The following TNFSF15 variants were observed in gnomAD, a reference collection of about 807,000 sequenced individuals.
The protein encoded by TNFSF15 is tumor necrosis factor ligand superfamily member 15.
Under a neutral mutation model 26.4 loss-of-function variants are expected in TNFSF15, and 15 were observed. The ratio of observed to expected loss-of-function variants is 0.57; its 90% CI spans 0.38 to 0.87. TNFSF15 has a LOEUF of 0.87. TNFSF15 is among the 40% of genes least tolerant of loss of function. The pLI is 0.00. For synonymous variants in TNFSF15, 116 were observed against 115.0 expected (o/e 1.01, Z -0.06); for missense variants, 290 against 306.1 (o/e 0.95, Z 0.39).
intron 1 of TNFSF15, among the ~76,000 whole-genome samples, chr9:114,799,804 G>A (rs1274806977): frequency 1.3e-5 from 2 of 152,206 alleles, no homozygotes; most frequent in Non-Finnish European, 2.9e-5. Context: ...GCTGCAAGCT[G>A]CCTGGATGTC....
intron 1 of TNFSF15, among the ~76,000 whole-genome samples, chr9:114,801,309 C>T (rs984793492): frequency 1.3e-5 from 2 of 152,160 alleles, no homozygotes; most frequent in Non-Finnish European, 2.9e-5. Flanking sequence ...GTGGAAGATA[C>T]TGTAGGGCCC....
At chr9:114,803,921 A>G (rs556084467) in intron 1 of TNFSF15, among the ~76,000 whole-genome samples, 45 of 152,194 alleles carry the variant, frequency 3.0e-4, no homozygotes, top group Admixed American at 8.5e-4. Flanking sequence ...GTTCCCTTCA[A>G]TCCGTCTGCA....
rs1231767755 is a variant in TNFSF15 at position 114,790,920 on chromosome 9, A to G, written c.302-14T>C. The G allele has an allele frequency of 6.2e-7, 1 of 1,612,402 alleles. No homozygotes were observed. Among genetic ancestry groups the G allele is most frequent in the Non-Finnish European group, 8.5e-7 (1 of 1,178,936 alleles). On this transcript the variant is annotated splice_polypyrimidine_tract_variant and intron_variant, in intron 3 of 3. Coordinates refer to ENST00000374045, the MANE Select transcript of TNFSF15 (RefSeq NM_005118.4). ...TTTGTCTCACAACTGGAAAGACAAGAAAGAGGATTAATTTTCTCATTGGGA... is the reference window on the plus strand; with the variant it reads ...TTTGTCTCACAACTGGAAAGACAAGGAAGAGGATTAATTTTCTCATTGGGA...
rs1829535370 is a variant in TNFSF15 at position 114,788,149 on chromosome 9, C to G, written c.*2303G>C. On this transcript the variant is annotated 3_prime_UTR_variant, in exon 4 of 4. Coordinates refer to ENST00000374045, the MANE Select transcript of TNFSF15 (RefSeq NM_005118.4). ...TCTTGATCTACCAATAAATATTGTC[C>G]TAGGAATTGGTTGAGGGAATATTCT... The G allele has an allele frequency of 6.5e-5, 10 of 153,712 alleles. No homozygotes were observed. The Admixed American group carries it at 6.5e-4, about 10-fold the overall frequency. 9.5% of individuals were successfully genotyped at this position (153,712 alleles called of 1,614,324 possible).
chr9:114,805,057 G>A (rs558559312), intron 1 of TNFSF15, among the ~76,000 whole-genome samples: 9 of 152,184 alleles, frequency 5.9e-5, no homozygotes, highest in South Asian at 2.1e-4. Flanking sequence ...GACACCTATC[G>A]CTGCCCCTAC....
chr9:114,803,783 G>A (rs187622224), intron 1 of TNFSF15, among the ~76,000 whole-genome samples: 1 of 152,294 alleles, frequency 6.6e-6, no homozygotes, highest in African/African-American at 2.4e-5. Flanking sequence ...GGTCTTCCAG[G>A]CAGGCCCTCT....
At position 114,787,777 on chromosome 9, in the gene TNFSF15, A is replaced by G. The variant is rs1829531278; in HGVS notation, c.*2675T>C. 6.5e-6 allele frequency: 1 copy of G among 153,806 alleles called. No homozygotes were observed. The highest frequency in any genetic ancestry group is 2.4e-5 in the African/African-American group (1 of 41,462). The allele number at this position is 153,806 out of a possible 1,614,324, so 9.5% of individuals were successfully genotyped here. A position where few individuals can be genotyped will look rare whatever the true frequency, so the allele number is the denominator to read the frequency against. Reference sequence around the variant, plus strand: ...CCTTTCCGTAAAAAATATACTATACAGAATTTAACAAAATCAGCAGTAAAA... The same window carrying G: ...CCTTTCCGTAAAAAATATACTATACGGAATTTAACAAAATCAGCAGTAAAA... On this transcript the variant is annotated 3_prime_UTR_variant, in exon 4 of 4. Transcript: ENST00000374045.
rs1829813011 is a variant in TNFSF15 at position 114,805,792 on chromosome 9, A to C, written c.210+11T>G. 1 of 1,612,112 alleles carries C rather than the reference A, an allele frequency of 6.2e-7. No individual in the cohort carries two copies. The highest frequency in any genetic ancestry group is 8.5e-7 in the Non-Finnish European group (1 of 1,179,564). Reference sequence around the variant, plus strand: ...TGCTCCTCCCCAAGGTCAGAGTGCCATGTGGCTTACCTGGAACTGCACACA... The same window carrying C: ...TGCTCCTCCCCAAGGTCAGAGTGCCCTGTGGCTTACCTGGAACTGCACACA... On this transcript the variant is annotated intron_variant, in intron 1 of 3. Transcript: ENST00000374045.
At chr9:114,793,160 T>C (rs1829629765) in intron 2 of TNFSF15, among the ~76,000 whole-genome samples, 3 of 152,244 alleles carry the variant, frequency 2.0e-5, no homozygotes, top group Non-Finnish European at 1.5e-5. Flanking sequence ...TTGTTCTAAC[T>C]CCTTTATAGG....
Position 114,805,891 on chromosome 9 carries a change from A to G in TNFSF15, c.122T>C (p.Leu41Pro). 1 of 1,614,096 alleles carries G rather than the reference A, an allele frequency of 6.2e-7. No individual in the cohort carries two copies. The highest frequency in any genetic ancestry group is 8.5e-7 in the Non-Finnish European group (1 of 1,180,044). The part of the protein sequence containing the change: ...SSARWALTCC[L>P]VLLPFLAGLT... ...TCCTGCAAGGAAGGGGAGCAACACC[A>G]GGCAGCAGGTGAGAGCCCAGCGTGC... Residue 41 changes from leucine (L) to proline (P), a missense_variant, in exon 1 of 4, where the codon CTG (leucine) becomes CCG (proline). By Grantham distance (98) the Leu-to-Pro change is moderately conservative. Transcript: ENST00000374045.
chr9:114,787,613 C>G lies in TNFSF15; in HGVS notation c.*2839G>C, dbSNP rs1239350113. 6.5e-6 allele frequency: 1 copy of G among 153,200 alleles called. No homozygotes were observed. The highest frequency in any genetic ancestry group is 1.5e-5 in the Non-Finnish European group (1 of 68,024). The allele number at this position is 153,200 out of a possible 1,614,324, so 9.5% of individuals were successfully genotyped here. A position where few individuals can be genotyped will look rare whatever the true frequency, so the allele number is the denominator to read the frequency against. ...AAACCCTGAATACACCCCATTAACCCCTTTTAGGGGAACATCACATGATCT... is the reference window on the plus strand; with the variant it reads ...AAACCCTGAATACACCCCATTAACCGCTTTTAGGGGAACATCACATGATCT... On this transcript the variant is annotated 3_prime_UTR_variant, in exon 4 of 4. Transcript: ENST00000374045.
At position 114,804,815 on chromosome 9, in the gene TNFSF15, G is replaced by T. The variant is rs551068298; in HGVS notation, c.210+988C>A. On this transcript the variant is annotated intron_variant, in intron 1 of 3. Transcript: ENST00000374045. Reference sequence around the variant, plus strand: ...ATTACAGATTTTCCATGGCTTACTTGTGGTGTCTATGCTTTGAAACTGGCC... The same window carrying T: ...ATTACAGATTTTCCATGGCTTACTTTTGGTGTCTATGCTTTGAAACTGGCC... 2.4e-4 allele frequency among the ~76,000 whole-genome samples: 37 copies of T among 152,312 alleles called. No individual in the cohort carries two copies. In the South Asian group the frequency reaches 6.8e-3, roughly 28 times the overall value.
intron 1 of TNFSF15, among the ~76,000 whole-genome samples, chr9:114,802,487 G>A (rs962092947): frequency 1.3e-5 from 2 of 152,142 alleles, no homozygotes; most frequent in Admixed American, 6.5e-5. Flanking sequence ...TCCTGACCTC[G>A]TGATCCGCCT....
At chr9:114,799,251 T>C (rs898867753) in intron 1 of TNFSF15, among the ~76,000 whole-genome samples, 2 of 152,240 alleles carry the variant, frequency 1.3e-5, no homozygotes, top group Admixed American at 1.3e-4. Context: ...TCAATGGAAC[T>C]GTTTCCTCGT....
At chr9:114,795,650 T>A (rs1400431389) in intron 1 of TNFSF15, among the ~76,000 whole-genome samples, 1 of 152,192 alleles carries the variant, frequency 6.6e-6, no homozygotes, top group Non-Finnish European at 1.5e-5. Flanking sequence ...CAGATTTTGG[T>A]GTCCATGGGG....
intron 1 of TNFSF15, among the ~76,000 whole-genome samples, chr9:114,796,961 C>T (rs965380041): frequency 1.3e-5 from 2 of 152,130 alleles, no homozygotes; most frequent in Non-Finnish European, 2.9e-5. Flanking sequence ...TAGTCTATTG[C>T]CTTCCTTGAT....
rs939901715 is a variant in TNFSF15 at position 114,788,954 on chromosome 9, G to C, written c.*1498C>G. On this transcript the variant is annotated 3_prime_UTR_variant, in exon 4 of 4. Transcript: ENST00000374045. ...CAGCCTGTCCTCCAGGGAAGGTCTT[G>C]GCTAGGCTCATTAGCTAATCCCATA... 2 of 152,192 alleles carry C rather than the reference G, an allele frequency of 1.3e-5. No homozygotes were observed. Among genetic ancestry groups the C allele is most frequent in the African/African-American group, 4.8e-5 (2 of 41,436 alleles). 9.4% of individuals were successfully genotyped at this position (152,192 alleles called of 1,614,324 possible).
At chr9:114,795,775 G>A (rs756368521) in intron 1 of TNFSF15, among the ~76,000 whole-genome samples, 4 of 152,178 alleles carry the variant, frequency 2.6e-5, no homozygotes, top group South Asian at 4.1e-4. Context: ...CTAAATTGAC[G>A]TGTTTTAGCA....
chr9:114,797,247 C>G (rs2131305245), intron 1 of TNFSF15, among the ~76,000 whole-genome samples: 1 of 152,326 alleles, frequency 6.6e-6, no homozygotes, highest in South Asian at 2.1e-4. Flanking sequence ...ACACATTTCC[C>G]TGTTTGCTCT....
Sources: allele counts gnomAD v4.1 joint callset (sites outside exome capture counted in the v4.1 genomes callset), GRCh38; gene constraint gnomAD v4.1.1; transcripts MANE v1.5; gene names NCBI Gene and HGNC (gene_info 2026-07-23, HGNC 2026-07-21).